HOXA3: variants seen among roughly 807,000 people sequenced by gnomAD.
HOXA3 encodes homeobox A3, also known as homeobox protein Hox-A3.
Under a neutral mutation model 30.3 loss-of-function variants are expected in HOXA3, and 8 were observed. The observed-to-expected ratio is 0.26, with a 90% CI of 0.15 to 0.48. The LOEUF is 0.48. HOXA3 is among the 20% of genes least tolerant of loss of function. The pLI, the probability that HOXA3 is intolerant of heterozygous loss-of-function variation, is 0.99. For synonymous variants in HOXA3, 323 were observed against 273.1 expected (o/e 1.18, Z -1.80); for missense variants, 653 against 614.4 (o/e 1.06, Z -0.66).
chr7:27,142,990 G>A (rs1782627251), intron 1 of HOXA3: 2 of 1,435,358 alleles, frequency 1.4e-6, no homozygotes, highest in Non-Finnish European at 1.9e-6. Context: ...GAAGAGAGGG[G>A]GGACCGAGAG....
intron 1 of HOXA3, chr7:27,151,658 G>C (rs577854126): frequency 4.4e-6 from 2 of 456,602 alleles, no homozygotes; most frequent in Admixed American, 2.3e-5. Context: ...AGCCGGCAAC[G>C]AGCGGAGAAC....
At position 27,152,285 on chromosome 7, in the gene HOXA3, C is replaced by T. The variant is rs1213626888; in HGVS notation, c.-494+3G>A. Reference sequence around the variant, plus strand: ...GCTCCTATCTCCTCCCCACATGTCTCACCTTCAGACGGTGGCTCCCAGAAG... The same window carrying T: ...GCTCCTATCTCCTCCCCACATGTCTTACCTTCAGACGGTGGCTCCCAGAAG... On this transcript the variant is annotated splice_donor_region_variant and intron_variant, in intron 1 of 5. Coordinates refer to ENST00000612286, the MANE Select transcript of HOXA3 (RefSeq NM_153631.3). 3 of 1,279,476 alleles carry T rather than the reference C, an allele frequency of 2.3e-6. No homozygotes were observed. The highest frequency in any genetic ancestry group is 3.1e-5 in the African/African-American group (2 of 65,216). 79.3% of individuals were successfully genotyped at this position (1,279,476 alleles called of 1,614,324 possible).
At chr7:27,130,443 G>T in intron 2 of HOXA3, 1 of 1,209,264 alleles carries the variant, frequency 8.3e-7, no homozygotes, top group Non-Finnish European at 1.0e-6. Context: ...GGTAGGCGGT[G>T]TCCGCGGCCC....
chr7:27,136,771 G>A (rs981425904), intron 2 of HOXA3, among the ~76,000 whole-genome samples: 7 of 152,150 alleles, frequency 4.6e-5, no homozygotes, highest in African/African-American at 1.7e-4. Context: ...TGTGGGGAGG[G>A]GACCTGGTGG....
chr7:27,125,417 T>C (rs1317053971), intron 3 of HOXA3, among the ~76,000 whole-genome samples: 2 of 152,206 alleles, frequency 1.3e-5, no homozygotes, highest in African/African-American at 4.8e-5. Flanking sequence ...TGCCCCGTGA[T>C]TTTGGAGTCT....
At chr7:27,111,381 T>C (rs1784364919) in intron 4 of HOXA3, among the ~76,000 whole-genome samples, 1 of 152,158 alleles carries the variant, frequency 6.6e-6, no homozygotes, top group Non-Finnish European at 1.5e-5. Flanking sequence ...GCTGAGCTTG[T>C]TAGGAAGTTA....
At chr7:27,114,877 A>ATTATATATATAATATATAT (rs1784624679) in intron 4 of HOXA3, among the ~76,000 whole-genome samples, 10 of 119,248 alleles carry the variant, frequency 8.4e-5, no homozygotes, top group African/African-American at 2.1e-4. Flanking sequence ...TATATTATAT[A>ATTATATATATAATATATAT]TATGTATATA....
Position 27,108,258 on chromosome 7 carries a change from G to A in HOXA3, c.989C>T (p.Thr330Met). ...GCCCCCTGCGCCCGCCCCTGCCGCC[G>A]TGTAGCGCTTCTGTGGGGGTGGCGG... ...APPPPPQKRY[T>M]AAGAGAGGTP... Residue 330 changes from threonine (T) to methionine (M), a missense_variant, in exon 6 of 6, where the codon ACG (threonine) becomes ATG (methionine). Physicochemically the swap from Thr to Met is moderately conservative, Grantham distance 81 (BLOSUM62 -1). Coordinates refer to ENST00000612286, the MANE Select transcript of HOXA3 (RefSeq NM_153631.3). This position sits in a 1 kb window ranked among gnomAD's most constrained non-coding sequence, Gnocchi z 5.0. The A allele has an allele frequency of 5.9e-6, 9 of 1,520,672 alleles. No individual in the cohort carries two copies. The highest frequency in any genetic ancestry group is 7.9e-6 in the Non-Finnish European group (9 of 1,134,624). The allele number at this position is 1,520,672 out of a possible 1,614,324, so 94.2% of individuals were successfully genotyped here. A position where few individuals can be genotyped will look rare whatever the true frequency, so the allele number is the denominator to read the frequency against.
At chr7:27,137,400 C>A (rs1785747280) in intron 2 of HOXA3, among the ~76,000 whole-genome samples, 1 of 152,180 alleles carries the variant, frequency 6.6e-6, no homozygotes, top group Non-Finnish European at 1.5e-5. Flanking sequence ...AACAAACGAG[C>A]CCCCGCACAT....
intron 2 of HOXA3, chr7:27,130,474 G>A (rs1404802513): frequency 1.6e-6 from 2 of 1,258,104 alleles, no homozygotes; most frequent in Non-Finnish European, 2.0e-6. Flanking sequence ...GTACAGCGCG[G>A]CAGCAGGGTA....
chr7:27,114,827 A>AATATATATTATATATATT lies in HOXA3; in HGVS notation c.-120-4068_-120-4067insAATATATATAATATATAT, dbSNP rs1491439396. ...ATTCCTAAAACATACATATATATATAATATATATTATATATATAATATATA... is the reference window on the plus strand; with the variant it reads ...ATTCCTAAAACATACATATATATATAATATATATTATATATATTATATATATTATATATATAATATATA... On this transcript the variant is annotated intron_variant, in intron 4 of 5. Transcript: ENST00000612286. Among the ~76,000 whole-genome samples the AATATATATTATATATATT allele has an allele frequency of 9.1e-5, 9 of 98,496 alleles. 2 individuals are homozygous for AATATATATTATATATATT. The highest frequency in any genetic ancestry group is 4.3e-3 in the Middle Eastern group (1 of 230). The allele number at this position is 98,496 out of a possible 152,430, so 64.6% of individuals were successfully genotyped here. A position where few individuals can be genotyped will look rare whatever the true frequency, so the allele number is the denominator to read the frequency against.
Position 27,108,145 on chromosome 7 carries a change from C to A in HOXA3, c.1102G>T (p.Gly368Trp), listed in dbSNP as rs770893814. The A allele has an allele frequency of 1.3e-6, 2 of 1,587,748 alleles. No individual in the cohort carries two copies. The highest frequency in any genetic ancestry group is 2.3e-5 in the East Asian group (1 of 44,366). ...CTCATGGGCTCCACATAGCTGCCCC[C>A]CACGAAGACGGGGCTTCCCTGTATG... ...PHIQGSPVFVGGSYVEPMSNS... is the reference protein window; with the variant it reads ...PHIQGSPVFVWGSYVEPMSNS... Residue 368 changes from glycine to tryptophan, a missense_variant, in exon 6 of 6, where the codon GGG becomes TGG. This residue lies in a region of HOXA3 where 330 missense variants were observed against 274.4 expected (regional missense o/e 1.20). Coordinates refer to ENST00000612286, the MANE Select transcript of HOXA3 (RefSeq NM_153631.3). The surrounding 1 kb of genome is among the most constrained non-coding windows in gnomAD (Gnocchi z 5.0).
At chr7:27,151,331 C>T (rs1782965113) in intron 1 of HOXA3, 1 of 323,574 alleles carries the variant, frequency 3.1e-6, no homozygotes, top group South Asian at 2.4e-5. Context: ...CAGCAGCACG[C>T]TCTGCGCTTC....
Position 27,110,651 on chromosome 7 carries a change from C to T in HOXA3, c.-11G>A. ...GGTCGCTTTTTGCATCGCGTTGTTTCACGATCTTGATCGCACACTCTGACA... is the reference window on the plus strand; with the variant it reads ...GGTCGCTTTTTGCATCGCGTTGTTTTACGATCTTGATCGCACACTCTGACA... On this transcript the variant is annotated 5_prime_UTR_variant, in exon 5 of 6. Transcript: ENST00000612286. 6.3e-7 allele frequency: 1 copy of T among 1,599,528 alleles called. No individual in the cohort carries two copies. The highest frequency in any genetic ancestry group is 8.6e-7 in the Non-Finnish European group (1 of 1,168,670).
At chr7:27,129,940 A>C in intron 2 of HOXA3, 2 of 687,020 alleles carry the variant, frequency 2.9e-6, no homozygotes, top group Admixed American at 2.9e-5. Context: ...AAGGGTTCTC[A>C]TGTTGGGATC....
intron 4 of HOXA3, among the ~76,000 whole-genome samples, chr7:27,114,840 TATATAA>T (rs1784604245): frequency 9.7e-6 from 1 of 102,648 alleles, no homozygotes; most frequent in Non-Finnish European, 2.0e-5. Context: ...ATATATTATA[TATATAA>T]TATATATTAT....
intron 4 of HOXA3, among the ~76,000 whole-genome samples, chr7:27,111,122 T>C (rs965871220): frequency 6.6e-6 from 1 of 152,198 alleles, no homozygotes; most frequent in Non-Finnish European, 1.5e-5. Flanking sequence ...TCGCTTAGTT[T>C]CTGCTCCTTG....
At chr7:27,134,567 C>T (rs1367807900) in intron 2 of HOXA3, among the ~76,000 whole-genome samples, 1 of 152,206 alleles carries the variant, frequency 6.6e-6, no homozygotes, top group East Asian at 1.9e-4. Flanking sequence ...GTCTTGTTGA[C>T]TCATCGAGGG....
chr7:27,130,554 G>A (rs1190349383), intron 2 of HOXA3: 3 of 1,423,204 alleles, frequency 2.1e-6, no homozygotes, highest in Middle Eastern at 2.3e-4. Flanking sequence ...CCGCGTGAGG[G>A]AGCTGGGGCT....
Sources: allele counts gnomAD v4.1 joint callset (sites outside exome capture counted in the v4.1 genomes callset), GRCh38; gene constraint gnomAD v4.1.1; regional missense constraint gnomAD v4.1.1; non-coding constraint Gnocchi (gnomAD v3.1); transcripts MANE v1.5; gene names NCBI Gene and HGNC (gene_info 2026-07-23, HGNC 2026-07-21).